The following RBFOX1 variants were observed in gnomAD, a reference collection of about 807,000 sequenced individuals.
The protein encoded by RBFOX1 is RNA binding protein fox-1 homolog 1.
In RBFOX1, 8 loss-of-function variants were observed where a neutral mutation model predicts 57.7. The observed-to-expected ratio is 0.14, with a 90% CI of 0.08 to 0.25. The LOEUF (loss-of-function observed/expected upper bound fraction) is 0.25, where lower values mean the gene tolerates loss of function less well. Among genes scored for constraint, RBFOX1 ranks in the 10% least tolerant of loss-of-function variants. The probability of loss-of-function intolerance (pLI) is 1.00; values close to 1 mark genes in which losing one functional copy is unlikely to be tolerated. For synonymous variants in RBFOX1, 326 were observed against 222.4 expected (o/e 1.47, Z -4.15); for missense variants, 611 against 548.5 (o/e 1.11, Z -1.14).
At chr16:6,391,545 T>G (rs1596496119) in intron 2 of RBFOX1, among the ~76,000 whole-genome samples, 1 of 151,874 alleles carries the variant, frequency 6.6e-6, no homozygotes, top group East Asian at 1.9e-4. Flanking sequence ...TATCATGATT[T>G]GATTCACATT....
chr16:6,437,422 C>G (rs1490024498), intron 2 of RBFOX1, among the ~76,000 whole-genome samples: 1 of 152,138 alleles, frequency 6.6e-6, no homozygotes, highest in Non-Finnish European at 1.5e-5. Context: ...TCCCTTGGTT[C>G]TAAGCTTTGC....
intron 1 of RBFOX1, among the ~76,000 whole-genome samples, chr16:6,024,568 C>T (rs1257332559): frequency 1.3e-5 from 2 of 152,106 alleles, no homozygotes; most frequent in Non-Finnish European, 2.9e-5. Context: ...ATCTCACTGC[C>T]ACCTCCACCT....
intron 3 of RBFOX1, among the ~76,000 whole-genome samples, chr16:5,721,889 T>G (rs2051949969): frequency 6.6e-6 from 1 of 152,244 alleles, no homozygotes; most frequent in South Asian, 2.1e-4. Context: ...GATTCACTGC[T>G]TCATATGTGG....
intron 2 of RBFOX1, among the ~76,000 whole-genome samples, chr16:6,470,667 A>G (rs866511458): frequency 1.3e-5 from 2 of 152,164 alleles, no homozygotes; most frequent in Middle Eastern, 3.2e-3. Context: ...TGAGCCTCTT[A>G]TCTTTCCCAG....
chr16:6,398,259 C>G (rs1263756129), intron 2 of RBFOX1, among the ~76,000 whole-genome samples: 2 of 152,158 alleles, frequency 1.3e-5, no homozygotes, highest in Admixed American at 1.3e-4. Flanking sequence ...ATTATGGGAA[C>G]TACAACTCGA....
intron 1 of RBFOX1, among the ~76,000 whole-genome samples, chr16:5,414,882 T>C (rs1320615536): frequency 6.6e-6 from 1 of 152,166 alleles, no homozygotes; most frequent in African/African-American, 2.4e-5. Flanking sequence ...GGGATGGAGA[T>C]CCTAAGCTTC....
At chr16:6,350,803 A>T (rs976889845) in intron 2 of RBFOX1, among the ~76,000 whole-genome samples, 2 of 152,326 alleles carry the variant, frequency 1.3e-5, no homozygotes, top group South Asian at 4.1e-4. Flanking sequence ...TAAAGAGTGC[A>T]AGTCATACTC....
chr16:6,962,241 T>C lies in RBFOX1; in HGVS notation c.-15-89816T>C, dbSNP rs559919429. Among the ~76,000 whole-genome samples the C allele has an allele frequency of 5.9e-5, 9 of 152,214 alleles. 1 individual carries two copies. The South Asian group carries it at 1.7e-3, about 28-fold the overall frequency. On this transcript the variant is annotated intron_variant, in intron 3 of 15. Transcript: ENST00000550418. ...CATGGCCTTCTTTCCTAGGTGTGTGTCAGACCTCCCTCTCCTTTCTCTTAC... is the reference window on the plus strand; with the variant it reads ...CATGGCCTTCTTTCCTAGGTGTGTGCCAGACCTCCCTCTCCTTTCTCTTAC...
In RBFOX1 at chr16:5,655,350, C is replaced by T. The variant is rs982739673; in HGVS notation, c.318+56389C>T. ...AGATATGTGGGAAGAGTCAAGACTC[C>T]TGTTGCCTGAGAATGGAAAGACATC... On this transcript the variant is annotated intron_variant, in intron 3 of 19. Coordinates refer to the RBFOX1 transcript ENST00000641259. Among the ~76,000 whole-genome samples, 4 of 152,136 alleles carry T rather than the reference C, an allele frequency of 2.6e-5. No individual in the cohort carries two copies. In the East Asian group the frequency reaches 5.8e-4, roughly 22 times the overall value.
intron 4 of RBFOX1, among the ~76,000 whole-genome samples, chr16:7,421,438 A>G (rs1332162224): frequency 6.6e-6 from 1 of 152,218 alleles, no homozygotes; most frequent in Non-Finnish European, 1.5e-5. Context: ...ACATATTTCC[A>G]AGGGTAAATA....
chr16:6,555,573 G>C (rs188661895), intron 2 of RBFOX1, among the ~76,000 whole-genome samples: 2 of 151,962 alleles, frequency 1.3e-5, no homozygotes, highest in African/African-American at 2.4e-5. Flanking sequence ...GGTGGCGGGC[G>C]CCTGTAGTCC....
At chr16:5,345,805 G>A (rs2065126779) in intron 1 of RBFOX1, among the ~76,000 whole-genome samples, 1 of 152,176 alleles carries the variant, frequency 6.6e-6, no homozygotes, top group Non-Finnish European at 1.5e-5. Context: ...TTAACAAGGA[G>A]CCTTCTGTAC....
Position 7,209,830 on chromosome 16 carries a change from CAA to C in RBFOX1, c.27+157733_27+157734del, listed in dbSNP as rs1369117075. On this transcript the variant is annotated intron_variant, in intron 4 of 15. Transcript: ENST00000550418. ...TGGATGATGCAATAGATGAATGAGACAAGAGTCTCTCCAGGGAAGCTGAAGTG... is the reference window on the plus strand; with the variant it reads ...TGGATGATGCAATAGATGAATGAGACGAGTCTCTCCAGGGAAGCTGAAGTG... Among the ~76,000 whole-genome samples, 7 of 152,186 alleles carry C rather than the reference CAA, an allele frequency of 4.6e-5. No homozygotes were observed. The East Asian group carries it at 1.4e-3, about 30-fold the overall frequency.
intron 3 of RBFOX1, among the ~76,000 whole-genome samples, chr16:6,730,088 A>C (rs1434969159): frequency 6.6e-6 from 1 of 152,114 alleles, no homozygotes; most frequent in Non-Finnish European, 1.5e-5. Context: ...GCCTGTTAGA[A>C]AGACATCTCT....
intron 3 of RBFOX1, among the ~76,000 whole-genome samples, chr16:5,800,705 A>G (rs970556827): frequency 6.6e-6 from 1 of 152,144 alleles, no homozygotes; most frequent in African/African-American, 2.4e-5. Flanking sequence ...CCCTGCAGTC[A>G]TTATTACAGA....
At chr16:5,890,557 C>T (rs1361872560) in intron 4 of RBFOX1, among the ~76,000 whole-genome samples, 1 of 151,878 alleles carries the variant, frequency 6.6e-6, no homozygotes, top group African/African-American at 2.4e-5. Flanking sequence ...ATTAGCTGGG[C>T]GTGGTGGCTT....
At chr16:6,175,650 G>C (rs13333696) in intron 1 of RBFOX1, among the ~76,000 whole-genome samples, 1 of 152,124 alleles carries the variant, frequency 6.6e-6, no homozygotes, top group Non-Finnish European at 1.5e-5. Context: ...AGTGCATATA[G>C]GGATCTGAGT....
Position 6,554,829 on chromosome 16 carries a change from C to T in RBFOX1, c.-63-99774C>T, listed in dbSNP as rs1175791698. Among the ~76,000 whole-genome samples the T allele has an allele frequency of 2.6e-5, 4 of 151,078 alleles. No individual in the cohort carries two copies. The East Asian group carries it at 7.7e-4, about 29-fold the overall frequency. ...ATAAACACACAGACACACAGACACA[C>T]ACAGACTCTCCCTCTCACTCTCGCT... is the stretch of plus-strand genomic sequence containing the variant. On this transcript the variant is annotated intron_variant, in intron 2 of 15. Coordinates refer to ENST00000550418, the MANE Select transcript of RBFOX1 (RefSeq NM_018723.4).
chr16:5,563,333 A>G (rs1317682812), intron 2 of RBFOX1, among the ~76,000 whole-genome samples: 2 of 152,220 alleles, frequency 1.3e-5, no homozygotes, highest in Non-Finnish European at 2.9e-5. Flanking sequence ...CTCCTAGGTG[A>G]ACTAACTGTC....
Sources: gnomAD v4.1 joint callset for allele counts (sites outside exome capture counted in the v4.1 genomes callset) on GRCh38, gnomAD v4.1.1 for gene constraint, MANE v1.5 for transcripts, NCBI Gene and HGNC (gene_info 2026-07-23, HGNC 2026-07-21) for gene names.